The following PCDHA1 variants were observed in gnomAD, a reference collection of about 807,000 sequenced individuals.
The protein encoded by PCDHA1 is protocadherin alpha-1.
PCDHA1 carries 42 observed loss-of-function variants against 61.3 expected under a neutral mutation model. That is an observed-to-expected ratio of 0.69 (90% CI 0.54 to 0.89). The LOEUF (loss-of-function observed/expected upper bound fraction) is 0.89, where lower values mean the gene tolerates loss of function less well. PCDHA1 is among the 40% of genes least tolerant of loss of function. The probability of loss-of-function intolerance (pLI) is 0.00; values close to 1 mark genes in which losing one functional copy is unlikely to be tolerated. For missense variants in PCDHA1, 1,256 were observed against 1,235.3 expected (o/e 1.02, Z -0.25); for synonymous variants, 610 against 553.8 (o/e 1.10, Z -1.43).
In PCDHA1 at chr5:140,927,058, C is replaced by G. The variant is rs376173105; in HGVS notation, c.2395-51891C>G. ...GGCCGCTATGTCCTCGCGGAACTTT[C>G]GCTTCCTTTCCAGCCACCGCGAGCT... On this transcript the variant is annotated intron_variant, in intron 1 of 3. Coordinates refer to ENST00000504120, the MANE Select transcript of PCDHA1 (RefSeq NM_018900.4). 17 of 1,611,136 alleles carry G rather than the reference C, an allele frequency of 1.1e-5. No homozygotes were observed. The South Asian group carries it at 1.2e-4, about 11-fold the overall frequency.
intron 1 of PCDHA1, among the ~76,000 whole-genome samples, chr5:140,899,821 C>G (rs1286169760): frequency 1.3e-5 from 2 of 151,902 alleles, no homozygotes; most frequent in African/African-American, 4.8e-5. Flanking sequence ...TTTGTTTTTC[C>G]TTTTTGAGAC....
chr5:140,809,351 C>T (rs1764438063), intron 1 of PCDHA1: 1 of 1,613,898 alleles, frequency 6.2e-7, no homozygotes, highest in Non-Finnish European at 8.5e-7. Flanking sequence ...CACCGCGCTG[C>T]GGTGCTCTGC....
In PCDHA1 at chr5:140,820,150, A is replaced by T. The variant is rs2150105989; in HGVS notation, c.2394+31466A>T. Among the ~76,000 whole-genome samples the T allele has an allele frequency of 5.3e-5, 8 of 152,088 alleles. No individual in the cohort carries two copies. In the South Asian group the frequency reaches 8.3e-4, roughly 16 times the overall value. On this transcript the variant is annotated intron_variant, in intron 1 of 3. Coordinates refer to ENST00000504120, the MANE Select transcript of PCDHA1 (RefSeq NM_018900.4). ...TGTATTAAAATATTTCAAAATTATC[A>T]GTATGAAAACTATTAGGCAAATAGT...
intron 1 of PCDHA1, among the ~76,000 whole-genome samples, chr5:140,789,226 T>G (rs6579965): frequency 0.52 from 78,384 of 152,040 alleles, 20,393 homozygotes; most frequent in Middle Eastern, 0.64. Flanking sequence ...GAGGAGGGCG[T>G]ATCACCTGAG....
chr5:141,007,775 A>G (rs1156577699), intron 3 of PCDHA1, among the ~76,000 whole-genome samples: 2 of 152,216 alleles, frequency 1.3e-5, no homozygotes, highest in Non-Finnish European at 2.9e-5. Context: ...TGGAAATGGT[A>G]CTGCTTTACA....
At chr5:140,989,171 G>A (rs2097331816) in intron 3 of PCDHA1, among the ~76,000 whole-genome samples, 1 of 152,116 alleles carries the variant, frequency 6.6e-6, no homozygotes, top group African/African-American at 2.4e-5. Flanking sequence ...GCATAAAACA[G>A]GAGAGTTTCT....
chr5:140,792,971 G>A (rs1312404460), intron 1 of PCDHA1, among the ~76,000 whole-genome samples: 1 of 152,188 alleles, frequency 6.6e-6, no homozygotes, highest in African/African-American at 2.4e-5. Context: ...AGGTGGAGCT[G>A]ATTTCATTTC....
intron 1 of PCDHA1, among the ~76,000 whole-genome samples, chr5:140,948,964 T>C (rs2094329348): frequency 6.6e-6 from 1 of 151,790 alleles, no homozygotes; most frequent in Non-Finnish European, 1.5e-5. Context: ...AGCCACGAAT[T>C]TATTAGTATG....
chr5:140,819,460 C>T (rs898793780), intron 1 of PCDHA1, among the ~76,000 whole-genome samples: 2 of 152,056 alleles, frequency 1.3e-5, no homozygotes, highest in Admixed American at 6.6e-5. Flanking sequence ...CAAGGAAGAA[C>T]TTCTGTTTAC....
intron 1 of PCDHA1, among the ~76,000 whole-genome samples, chr5:140,911,275 G>C (rs1048648150): frequency 2.0e-5 from 3 of 152,164 alleles, no homozygotes; most frequent in African/African-American, 7.2e-5. Context: ...AGTGTCCCCA[G>C]CTTCATCAGG....
chr5:140,875,556 C>T (rs781896642), intron 1 of PCDHA1: 4 of 1,614,128 alleles, frequency 2.5e-6, no homozygotes, highest in South Asian at 2.2e-5. Context: ...AGGTGGGGAG[C>T]GGCCAGCTCC....
intron 1 of PCDHA1, among the ~76,000 whole-genome samples, chr5:140,918,680 C>T (rs1291001659): frequency 6.6e-6 from 1 of 152,084 alleles, no homozygotes; most frequent in Non-Finnish European, 1.5e-5. Flanking sequence ...GAGGTGAGAC[C>T]TTTCAAACAT....
rs150074715 is a variant in PCDHA1, at chr5:140,835,873, T to G, written c.2394+47189T>G. The G allele has an allele frequency of 6.4e-4, 1,037 of 1,611,964 alleles. 10 individuals carry two copies. Among genetic ancestry groups the G allele is most frequent in the Admixed American group, 1.9e-3 (111 of 59,998 alleles). On this transcript the variant is annotated intron_variant, in intron 1 of 3. Transcript: ENST00000504120. Reference sequence around the variant, plus strand: ...CTGGTGTCCTACTCGCTGGTGGAGCTGCGGGTGGGCGAGCGCGCGCTGTCG... The same window carrying G: ...CTGGTGTCCTACTCGCTGGTGGAGCGGCGGGTGGGCGAGCGCGCGCTGTCG...
At chr5:140,830,117 C>G in intron 1 of PCDHA1, 1 of 1,613,510 alleles carries the variant, frequency 6.2e-7, no homozygotes, top group Non-Finnish European at 8.5e-7. Context: ...TGGCCAGGCT[C>G]CAAAGGCGTC....
intron 2 of PCDHA1, 36 bp downstream of exon 2, chr5:140,979,043 C>G: frequency 6.2e-7 from 1 of 1,612,500 alleles, no homozygotes. Context: ...CAGAAGTAAC[C>G]TTAACTTGGT....
chr5:140,984,168 A>C (rs1181991691), intron 3 of PCDHA1, among the ~76,000 whole-genome samples: 1 of 152,204 alleles, frequency 6.6e-6, no homozygotes, highest in Non-Finnish European at 1.5e-5. Context: ...TTCCCAAAGA[A>C]GCCACGTGAA....
At chr5:140,790,433 T>G (rs1160503091) in intron 1 of PCDHA1, among the ~76,000 whole-genome samples, 1 of 152,252 alleles carries the variant, frequency 6.6e-6, no homozygotes, top group Non-Finnish European at 1.5e-5. Context: ...AATTTGCTAG[T>G]TAAGTTTCCA....
chr5:140,965,242 A>T (rs1373643411), intron 1 of PCDHA1, among the ~76,000 whole-genome samples: 2 of 152,196 alleles, frequency 1.3e-5, no homozygotes, highest in African/African-American at 4.8e-5. Context: ...GGGAAGAGTG[A>T]ATATTCAGAA....
intron 1 of PCDHA1, chr5:140,821,891 A>T (rs2150111674): frequency 6.2e-7 from 1 of 1,614,232 alleles, no homozygotes; most frequent in African/African-American, 1.3e-5. Context: ...GAGGAAGCCA[A>T]ACACGGAACC....
Sources: gnomAD v4.1 joint callset for allele counts (sites outside exome capture counted in the v4.1 genomes callset) on GRCh38, gnomAD v4.1.1 for gene constraint, MANE v1.5 for transcripts, NCBI Gene and HGNC (gene_info 2026-07-23, HGNC 2026-07-21) for gene names.